The following CEP83 variants were observed in gnomAD, a reference collection of about 807,000 sequenced individuals.
The protein encoded by CEP83 is centrosomal protein of 83 kDa.
In CEP83, 70 loss-of-function variants were observed where a neutral mutation model predicts 101.9. The observed-to-expected ratio is 0.69, with a 90% CI of 0.57 to 0.84. The LOEUF is 0.84. Ranked by LOEUF, CEP83 falls within the 40% of genes least tolerant of loss-of-function variation. The pLI is 0.00. For synonymous variants in CEP83, 264 were observed against 267.9 expected (o/e 0.99, Z 0.14); for missense variants, 715 against 787.2 (o/e 0.91, Z 1.10).
the CEP83 span, among the ~76,000 whole-genome samples, chr12:94,269,850 G>T: frequency 6.6e-6 from 1 of 152,172 alleles, no homozygotes; most frequent in Non-Finnish European, 1.5e-5. Flanking sequence ...TGATCAAAGA[G>T]TGAAACCACT....
At position 94,384,372 on chromosome 12, in the gene CEP83, GT is replaced by G. The variant is rs886447777; in HGVS notation, c.550-5331del. On this transcript the variant is annotated intron_variant, in intron 6 of 16. Coordinates refer to ENST00000397809, the MANE Select transcript of CEP83 (RefSeq NM_016122.3). ...GGGCTGCTTTCAAGATTTTCCTATA[GT>G]TTTTTTTTAAACCTGACTATGGTAT... Among the ~76,000 whole-genome samples the G allele has an allele frequency of 3.2e-4, 49 of 151,510 alleles. 1 individual carries two copies. Among genetic ancestry groups the G allele is most frequent in the African/African-American group, 1.0e-3 (42 of 41,300 alleles).
chr12:94,438,781 CAAGTCTCAATAAATTT>C, intron 1 of CEP83, among the ~76,000 whole-genome samples: 2 of 152,134 alleles, frequency 1.3e-5, no homozygotes, highest in East Asian at 3.9e-4. Context: ...GACCACAAAA[CAAGTCTCAATAAATTT>C]AAGAAAATCA....
chr12:94,310,951 G>A (rs1969768244), intron 15 of CEP83, among the ~76,000 whole-genome samples: 1 of 152,146 alleles, frequency 6.6e-6, no homozygotes, highest in South Asian at 2.1e-4. Flanking sequence ...ACTGGTGGCT[G>A]GGGGCCCCTG....
chr12:94,291,107 CT>C, the CEP83 span, among the ~76,000 whole-genome samples: 1 of 152,218 alleles, frequency 6.6e-6, no homozygotes, highest in Admixed American at 6.5e-5. Context: ...CCACTTGACC[CT>C]GGTTTCCATG....
chr12:94,267,663 C>G, the CEP83 span, among the ~76,000 whole-genome samples: 2 of 152,144 alleles, frequency 1.3e-5, no homozygotes, highest in Admixed American at 6.5e-5. Context: ...CCCAGCCCCC[C>G]TTTCATGGTT....
At chr12:94,401,548 T>G (rs1349868003) in intron 5 of CEP83, among the ~76,000 whole-genome samples, 1 of 152,142 alleles carries the variant, frequency 6.6e-6, no homozygotes, top group Non-Finnish European at 1.5e-5. Context: ...CTAACAGTAC[T>G]CTATGAAAGC....
At chr12:94,389,390 T>G (rs1447904858) in intron 6 of CEP83, among the ~76,000 whole-genome samples, 2 of 152,248 alleles carry the variant, frequency 1.3e-5, no homozygotes, top group Admixed American at 1.3e-4. Context: ...CTACTATGTG[T>G]CAGGCATTAT....
intron 14 of CEP83, among the ~76,000 whole-genome samples, chr12:94,325,644 T>C (rs2058943988): frequency 6.6e-6 from 1 of 152,198 alleles, no homozygotes; most frequent in South Asian, 2.1e-4. Flanking sequence ...TTAACAGATA[T>C]GTTGAGTAAA....
At chr12:94,297,256 G>A in the CEP83 span, 33 of 1,613,360 alleles carry the variant, frequency 2.0e-5, no homozygotes, top group Non-Finnish European at 2.8e-5. Context: ...CCACTGAACT[G>A]CATGCCTTCT....
At chr12:94,441,050 AAATC>A (rs2066363436) in intron 1 of CEP83, among the ~76,000 whole-genome samples, 1 of 152,384 alleles carries the variant, frequency 6.6e-6, no homozygotes, top group African/African-American at 2.4e-5. Context: ...TTAAAGACTT[AAATC>A]TAAGACCTGA....
At chr12:94,424,904 T>C (rs1226698817) in intron 2 of CEP83, 1 of 1,599,232 alleles carries the variant, frequency 6.3e-7, no homozygotes, top group East Asian at 2.2e-5. Context: ...CACATATGGC[T>C]TCTTGTTGTT....
At chr12:94,360,870 G>A (rs1027215674) in intron 11 of CEP83, among the ~76,000 whole-genome samples, 2 of 152,158 alleles carry the variant, frequency 1.3e-5, no homozygotes, top group Non-Finnish European at 2.9e-5. Context: ...CAAAGCTGTA[G>A]TAACCAAAAC....
At chr12:94,413,736 G>C (rs566361493) in intron 2 of CEP83, among the ~76,000 whole-genome samples, 228 of 151,462 alleles carry the variant, frequency 1.5e-3, no homozygotes, top group Non-Finnish European at 2.6e-3. Flanking sequence ...AATAAAAAAT[G>C]ATGTTTCAAA....
the CEP83 span, among the ~76,000 whole-genome samples, chr12:94,266,751 C>T: frequency 1.3e-5 from 2 of 152,236 alleles, no homozygotes; most frequent in Non-Finnish European, 2.9e-5. Context: ...CTACCCATCT[C>T]ATGAGGTGTT....
At chr12:94,350,346 C>A (rs1401246766) in intron 11 of CEP83, among the ~76,000 whole-genome samples, 1 of 152,052 alleles carries the variant, frequency 6.6e-6, no homozygotes, top group African/African-American at 2.4e-5. Context: ...CATATACGGT[C>A]AAATGATTTT....
downstream of CEP83, chr12:94,305,374 G>C (rs191489124): frequency 1.1e-3 from 789 of 740,440 alleles, 13 homozygotes; most frequent in East Asian, 0.02. Flanking sequence ...TCGTTAATTT[G>C]TTGTTTGCAC....
At chr12:94,289,094 A>G in the CEP83 span, among the ~76,000 whole-genome samples, 1 of 152,222 alleles carries the variant, frequency 6.6e-6, no homozygotes, top group African/African-American at 2.4e-5. Flanking sequence ...TCAACCTTAC[A>G]TTTCTAGAAA....
At chr12:94,319,563 A>G (rs1057240140) in intron 14 of CEP83, among the ~76,000 whole-genome samples, 4 of 152,084 alleles carry the variant, frequency 2.6e-5, no homozygotes, top group African/African-American at 9.7e-5. Flanking sequence ...AGATTCTGGT[A>G]TGTTGTATCT....
At chr12:94,432,298 G>A (rs897409731) in intron 2 of CEP83, among the ~76,000 whole-genome samples, 8 of 151,780 alleles carry the variant, frequency 5.3e-5, no homozygotes, top group African/African-American at 1.2e-4. Flanking sequence ...TCCTGGCCTC[G>A]TGATCCGCCC....
Sources: allele counts gnomAD v4.1 joint callset (sites outside exome capture counted in the v4.1 genomes callset), GRCh38; gene constraint gnomAD v4.1.1; transcripts MANE v1.5; gene names NCBI Gene and HGNC (gene_info 2026-07-23, HGNC 2026-07-21).